The following TRPM8 variants were observed in gnomAD, a reference collection of about 807,000 sequenced individuals.
TRPM8 encodes the protein TRPM8 cationic channel.
A neutral mutation model predicts 133.7 loss-of-function variants in TRPM8; 110 were observed. That is an observed-to-expected ratio of 0.82 (90% CI 0.70 to 0.96). The LOEUF (loss-of-function observed/expected upper bound fraction) is 0.96, where lower values mean the gene tolerates loss of function less well. Among genes scored for constraint, TRPM8 ranks in the 40% least tolerant of loss-of-function variants. TRPM8 has a pLI of 0.00. For missense variants in TRPM8, 1,291 were observed against 1,379.5 expected (o/e 0.94, Z 1.02); for synonymous variants, 535 against 532.3 (o/e 1.01, Z -0.07).
chr2:233,924,444 A>G (rs866186736), intron 1 of TRPM8, among the ~76,000 whole-genome samples: 7 of 152,066 alleles, frequency 4.6e-5, no homozygotes, highest in African/African-American at 1.7e-4. Flanking sequence ...CTCAGGCCTT[A>G]AGTTCCTTCT....
Position 233,930,737 on chromosome 2 carries a change from G to C in TRPM8, c.187G>C (p.Ala63Pro). The C allele has an allele frequency of 6.2e-7, 1 of 1,602,536 alleles. No homozygotes were observed. Among genetic ancestry groups the C allele is most frequent in the South Asian group, 1.1e-5 (1 of 89,260 alleles). Residue 63 changes from alanine to proline, a missense_variant, in exon 3 of 26, where the codon GCC (alanine) becomes CCC (proline). This residue lies in a region of TRPM8 where 963 missense variants were observed against 968.9 expected (regional missense o/e 0.99). Coordinates refer to ENST00000324695, the MANE Select transcript of TRPM8 (RefSeq NM_024080.5). ...ECVFFTKDSK[A>P]TENVCKCGYA... ...TGTCTTCTTTACCAAAGATTCCAAG[G>C]CCACGTAAGCTACTATTTTCCCTCC...
chr2:233,919,725 C>T (rs1377288108), intron 1 of TRPM8, among the ~76,000 whole-genome samples: 3 of 151,958 alleles, frequency 2.0e-5, no homozygotes, highest in Non-Finnish European at 4.4e-5. Flanking sequence ...AGACATGACA[C>T]AATACATAAC....
At chr2:233,983,326 C>G in intron 20 of TRPM8, 102 bp downstream of exon 20, 2 of 1,328,472 alleles carry the variant, frequency 1.5e-6, no homozygotes, top group Non-Finnish European at 2.1e-6. Flanking sequence ...GAAGCACGCG[C>G]GTGAAACGGA....
rs113855920 is a variant in TRPM8, at chr2:233,929,042, C to G, written c.118-1626C>G. Among the ~76,000 whole-genome samples, 163 of 145,130 alleles carry G rather than the reference C, an allele frequency of 1.1e-3. 1 individual carries two copies. Among genetic ancestry groups the G allele is most frequent in the Non-Finnish European group, 2.1e-3 (143 of 67,612 alleles). On this transcript the variant is annotated intron_variant, in intron 2 of 25. Transcript: ENST00000324695. ...GCTCAAAACTGTTTTTGAGATTCAT[C>G]CACGGTGAGACGTGTAACCATTGTT...
At chr2:233,982,339 A>T (rs1373378687) in intron 19 of TRPM8, among the ~76,000 whole-genome samples, 1 of 152,220 alleles carries the variant, frequency 6.6e-6, no homozygotes, top group Non-Finnish European at 1.5e-5. Flanking sequence ...GTAACTGTGT[A>T]ATATAGATAC....
chr2:233,943,065 ATCTTT>A, intron 6 of TRPM8: 3 of 243,096 alleles, frequency 1.2e-5, no homozygotes, highest in Non-Finnish European at 1.4e-5. Context: ...CAACTGCAGT[ATCTTT>A]TTTTTTTTTT....
At chr2:233,965,361 G>C (rs1574734218) in intron 14 of TRPM8, among the ~76,000 whole-genome samples, 1 of 152,176 alleles carries the variant, frequency 6.6e-6, no homozygotes, top group Non-Finnish European at 1.5e-5. Flanking sequence ...TTATTGCCTG[G>C]AGTGGACGAT....
chr2:233,995,742 G>A (rs760698503), intron 21 of TRPM8, among the ~76,000 whole-genome samples: 1 of 152,036 alleles, frequency 6.6e-6, no homozygotes, highest in Non-Finnish European at 1.5e-5. Context: ...TGAGTAGGGG[G>A]TGGGGGCAGC....
chr2:233,993,424 G>C (rs1485820047), intron 21 of TRPM8, among the ~76,000 whole-genome samples: 1 of 152,208 alleles, frequency 6.6e-6, no homozygotes, highest in Non-Finnish European at 1.5e-5. Flanking sequence ...TACGTGCACT[G>C]TAGCTCAGGG....
intron 17 of TRPM8, among the ~76,000 whole-genome samples, chr2:233,971,459 C>G (rs1691716069): frequency 6.6e-6 from 1 of 152,136 alleles, no homozygotes; most frequent in African/African-American, 2.4e-5. Flanking sequence ...GGGGAAGAGT[C>G]CTGACACCAG....
chr2:233,942,973 T>C (rs1690947592), intron 6 of TRPM8: 1 of 606,502 alleles, frequency 1.6e-6, no homozygotes, highest in South Asian at 2.0e-5. Context: ...CATTAAAATG[T>C]GTTCTCAGCA....
At chr2:233,948,422 G>T (rs17864748) in intron 8 of TRPM8, among the ~76,000 whole-genome samples, 11 of 152,098 alleles carry the variant, frequency 7.2e-5, no homozygotes, top group Non-Finnish European at 1.6e-4. Flanking sequence ...ACTGCTCAAG[G>T]TCATCACCAA....
chr2:233,965,659 A>G (rs1055294296), intron 14 of TRPM8, among the ~76,000 whole-genome samples: 4 of 152,174 alleles, frequency 2.6e-5, no homozygotes, highest in Non-Finnish European at 5.9e-5. Flanking sequence ...TAGCTTGTCC[A>G]TGTTGGAAAA....
chr2:233,948,440 G>A (rs754575851), intron 8 of TRPM8, among the ~76,000 whole-genome samples: 3 of 152,144 alleles, frequency 2.0e-5, no homozygotes, highest in East Asian at 1.9e-4. Flanking sequence ...CAAGGTGATC[G>A]CCAAAAATTC....
chr2:233,960,837 G>A lies in TRPM8; in HGVS notation c.1424G>A (p.Arg475His), dbSNP rs267599275. ...ALIKDRPKFV[R>H]LFLENGLNLR... ...ATAAAGGACAGACCCAAGTTTGTCCGCCTCTTTCTGGAGAATGGCTTGAAC... is the reference window on the plus strand; with the variant it reads ...ATAAAGGACAGACCCAAGTTTGTCCACCTCTTTCTGGAGAATGGCTTGAAC... The change falls in exon 12 of 26, where the codon CGC becomes CAC. Residue 475 changes from arginine (R) to histidine (H), a missense_variant. Physicochemically the swap from Arg to His is conservative, Grantham distance 29. Transcript: ENST00000324695. The A allele has an allele frequency of 3.0e-5, 48 of 1,613,956 alleles. No individual in the cohort carries two copies. The East Asian group carries it at 3.1e-4, about 10-fold the overall frequency.
intron 6 of TRPM8, among the ~76,000 whole-genome samples, chr2:233,943,972 G>A (rs538767580): frequency 6.6e-6 from 1 of 151,120 alleles, no homozygotes; most frequent in East Asian, 1.9e-4. Context: ...AGTGGGAGGT[G>A]TTTTTTTTTG....
intron 22 of TRPM8, among the ~76,000 whole-genome samples, chr2:234,003,759 G>A (rs903774962): frequency 1.3e-5 from 2 of 152,348 alleles, no homozygotes; most frequent in Non-Finnish European, 2.9e-5. Context: ...ATCTGGAAAT[G>A]AGATTAATTG....
At chr2:233,922,034 T>C (rs1014355856) in intron 1 of TRPM8, among the ~76,000 whole-genome samples, 32 of 152,174 alleles carry the variant, frequency 2.1e-4, no homozygotes, top group Non-Finnish European at 8.8e-5. Context: ...ACTACTACTG[T>C]TTATACTCTA....
intron 12 of TRPM8, among the ~76,000 whole-genome samples, chr2:233,962,578 C>T (rs1464584405): frequency 1.3e-5 from 2 of 152,052 alleles, no homozygotes; most frequent in African/African-American, 2.4e-5. Flanking sequence ...TTTTAGAGTG[C>T]GTGTATGTGT....
Sources: allele counts gnomAD v4.1 joint callset (sites outside exome capture counted in the v4.1 genomes callset), GRCh38; gene constraint gnomAD v4.1.1; regional missense constraint gnomAD v4.1.1; transcripts MANE v1.5; gene names NCBI Gene and HGNC (gene_info 2026-07-23, HGNC 2026-07-21).